The following HSD17B12 variants were observed in gnomAD, a reference collection of about 807,000 sequenced individuals.
HSD17B12 encodes very-long-chain 3-oxoacyl-CoA reductase.
In HSD17B12, 32 loss-of-function variants were observed where a neutral mutation model predicts 39.3. The ratio of observed to expected loss-of-function variants is 0.81; its 90% CI spans 0.61 to 1.09. The LOEUF (loss-of-function observed/expected upper bound fraction) is 1.09. Ranked by LOEUF, HSD17B12 falls within the 50% of genes least tolerant of loss-of-function variation. HSD17B12 has a pLI of 0.00. For missense variants in HSD17B12, 342 were observed against 382.9 expected (o/e 0.89, Z 0.89); for synonymous variants, 150 against 146.7 (o/e 1.02, Z -0.16).
At chr11:43,705,656 T>C (rs1950005901) in intron 1 of HSD17B12, among the ~76,000 whole-genome samples, 1 of 152,100 alleles carries the variant, frequency 6.6e-6, no homozygotes, top group African/African-American at 2.4e-5. Flanking sequence ...TCCATATTAA[T>C]GTATTAAGTA....
At chr11:43,634,475 C>T in the HSD17B12 span, among the ~76,000 whole-genome samples, 1 of 152,164 alleles carries the variant, frequency 6.6e-6, no homozygotes, top group African/African-American at 2.4e-5. Flanking sequence ...GTGAATTTGA[C>T]TCTATAGAAA....
At chr11:43,851,014 T>C (rs1176145981) in intron 9 of HSD17B12, among the ~76,000 whole-genome samples, 2 of 152,206 alleles carry the variant, frequency 1.3e-5, no homozygotes, top group African/African-American at 4.8e-5. Context: ...TGAGCCGAGA[T>C]GGCGCCACTG....
At chr11:43,792,497 G>GTACA (rs1950876820) in intron 3 of HSD17B12, among the ~76,000 whole-genome samples, 1 of 152,036 alleles carries the variant, frequency 6.6e-6, no homozygotes, top group Non-Finnish European at 1.5e-5. Context: ...AGGGAGATTG[G>GTACA]TACATGACTA....
At chr11:43,845,105 C>A (rs1951462605) in intron 9 of HSD17B12, among the ~76,000 whole-genome samples, 2 of 152,146 alleles carry the variant, frequency 1.3e-5, no homozygotes, top group Admixed American at 6.5e-5. Context: ...GTGATCCTCC[C>A]ACCTCAGCCT....
chr11:43,846,122 G>A (rs904463769), intron 9 of HSD17B12, among the ~76,000 whole-genome samples: 4 of 152,264 alleles, frequency 2.6e-5, no homozygotes, highest in South Asian at 2.1e-4. Context: ...TTCAACATCC[G>A]GTGATCATCT....
At chr11:43,784,443 A>G (rs565503615) in intron 3 of HSD17B12, among the ~76,000 whole-genome samples, 2 of 147,458 alleles carry the variant, frequency 1.4e-5, no homozygotes, top group Admixed American at 1.4e-4. Context: ...CTTATAAACT[A>G]GACAAGGGCA....
At chr11:43,623,835 G>A in the HSD17B12 span, among the ~76,000 whole-genome samples, 2 of 151,950 alleles carry the variant, frequency 1.3e-5, no homozygotes, top group Non-Finnish European at 2.9e-5. Context: ...TGCATAAAAT[G>A]TCACAAGATT....
the HSD17B12 span, among the ~76,000 whole-genome samples, chr11:43,665,313 G>C: frequency 2.6e-5 from 4 of 152,130 alleles, no homozygotes; most frequent in Non-Finnish European, 5.9e-5. Flanking sequence ...CCATCTCCCG[G>C]GTTGAAACGA....
At chr11:43,780,848 A>G (rs1464874027) in intron 3 of HSD17B12, among the ~76,000 whole-genome samples, 1 of 152,172 alleles carries the variant, frequency 6.6e-6, no homozygotes, top group African/African-American at 2.4e-5. Flanking sequence ...TAACTAGAAT[A>G]TATGTGGCCC....
At chr11:43,713,456 AC>A (rs1950089772) in intron 1 of HSD17B12, among the ~76,000 whole-genome samples, 1 of 151,762 alleles carries the variant, frequency 6.6e-6, no homozygotes, top group South Asian at 2.1e-4. Flanking sequence ...AAGGACATGA[AC>A]TCATCCTTTT....
the HSD17B12 span, among the ~76,000 whole-genome samples, chr11:43,603,598 G>C: frequency 6.6e-6 from 1 of 152,138 alleles, no homozygotes; most frequent in Non-Finnish European, 1.5e-5. Flanking sequence ...AATGTTGTAA[G>C]TGATGGGTTA....
chr11:43,577,828 T>C, the HSD17B12 span, among the ~76,000 whole-genome samples: 2 of 152,180 alleles, frequency 1.3e-5, no homozygotes, highest in Admixed American at 1.3e-4. Context: ...AGCCAAAAGC[T>C]AAAGGAGTCT....
At chr11:43,847,765 C>T (rs1352102757) in intron 9 of HSD17B12, among the ~76,000 whole-genome samples, 1 of 145,536 alleles carries the variant, frequency 6.9e-6, no homozygotes, top group Non-Finnish European at 1.5e-5. Context: ...TTGCTTGTTA[C>T]TACTTTCCAG....
intron 3 of HSD17B12, among the ~76,000 whole-genome samples, chr11:43,785,347 T>C (rs1202134688): frequency 6.6e-6 from 1 of 152,208 alleles, no homozygotes; most frequent in Non-Finnish European, 1.5e-5. Flanking sequence ...GGAAAAAGGT[T>C]GAATACAGCG....
chr11:43,780,086 T>C (rs1950749620), intron 3 of HSD17B12, among the ~76,000 whole-genome samples: 1 of 152,210 alleles, frequency 6.6e-6, no homozygotes, highest in Admixed American at 6.6e-5. Context: ...CATCCCCCAG[T>C]GCCCTCTCCA....
chr11:43,757,936 C>T (rs1950526184), intron 3 of HSD17B12, among the ~76,000 whole-genome samples: 1 of 152,030 alleles, frequency 6.6e-6, no homozygotes. Flanking sequence ...CCTCTGGGCC[C>T]ATTTGGGGGT....
At chr11:43,687,449 A>T (rs1236524316) in intron 1 of HSD17B12, among the ~76,000 whole-genome samples, 1 of 152,238 alleles carries the variant, frequency 6.6e-6, no homozygotes, top group Non-Finnish European at 1.5e-5. Context: ...ATTTGGTCCT[A>T]TGAGAATTTG....
chr11:43,655,514 C>G, the HSD17B12 span, among the ~76,000 whole-genome samples: 1 of 152,198 alleles, frequency 6.6e-6, no homozygotes, highest in Admixed American at 6.5e-5. Context: ...CCAGTTTTTG[C>G]CCATTCAGTA....
chr11:43,594,912 T>C, the HSD17B12 span, among the ~76,000 whole-genome samples: 1 of 152,324 alleles, frequency 6.6e-6, no homozygotes, highest in East Asian at 1.9e-4. Context: ...CACCTTTTAC[T>C]TGTAGCAAAC....
Sources: gnomAD v4.1 joint callset for allele counts (sites outside exome capture counted in the v4.1 genomes callset) on GRCh38, gnomAD v4.1.1 for gene constraint, MANE v1.5 for transcripts, NCBI Gene and HGNC (gene_info 2026-07-23, HGNC 2026-07-21) for gene names.